The following ARSH variants were observed in gnomAD, a reference collection of about 807,000 sequenced individuals.
The protein encoded by ARSH is arylsulfatase family member H.
A neutral mutation model predicts 28.7 loss-of-function variants in ARSH; 32 were observed. That is an observed-to-expected ratio of 1.11 (90% CI 0.84 to 1.50). The LOEUF (loss-of-function observed/expected upper bound fraction) is 1.50, where lower values mean the gene tolerates loss of function less well. ARSH is among the 40% of genes most tolerant of loss of function. ARSH has a pLI of 0.00. For missense variants in ARSH, 440 were observed against 452.4 expected (o/e 0.97, Z 0.25); for synonymous variants, 176 against 177.3 (o/e 0.99, Z 0.06).
Position 3,006,683 on chromosome X carries a change from G to A in ARSH, c.71G>A (p.Cys24Tyr), listed in dbSNP as rs771656593. The A allele has an allele frequency of 4.1e-6, 5 of 1,209,717 alleles. No homozygotes were observed. The highest frequency in any genetic ancestry group is 4.4e-5 in the Admixed American group (2 of 45,927). Residue 24 changes from cysteine (C) to tyrosine (Y), a missense_variant, in exon 1 of 9, where the codon TGC (cysteine) becomes TAC (tyrosine). Transcript: ENST00000381130. ...ADDLGVGDLC[C>Y]YGNNSVSTPN... ...GACCTTGGAGTGGGGGATTTGTGCT[G>A]CTACGGTAATAACTCAGTGAGGTAA...
intron 8 of ARSH, among the ~76,000 whole-genome samples, 189 bp downstream of exon 8, chrX:3,029,557 G>A (rs778649996): frequency 9.0e-6 from 1 of 111,208 alleles, no homozygotes; most frequent in Non-Finnish European, 1.9e-5. Context: ...TTGAGATAGG[G>A]TCTCACTCTG....
intron 6 of ARSH, among the ~76,000 whole-genome samples, chrX:3,025,456 A>G (rs910687151): frequency 3.6e-4 from 38 of 106,220 alleles, no homozygotes; most frequent in Non-Finnish European, 1.9e-4. Context: ...TAGTATATAG[A>G]ATTCTATATA....
In ARSH at chrX:3,033,492, C is replaced by T. The variant is rs754761382; in HGVS notation, c.*107C>T. On this transcript the variant is annotated 3_prime_UTR_variant, in exon 9 of 9. Transcript: ENST00000381130. ...CCATTTGGGATAAAAACTGATGGCC[C>T]AACCCATTGTTTTATCCTCAGAAAT... is the stretch of plus-strand genomic sequence containing the variant. 4 of 868,085 alleles carry T rather than the reference C, an allele frequency of 4.6e-6. No individual in the cohort carries two copies. The highest frequency in any genetic ancestry group is 6.2e-6 in the Non-Finnish European group (4 of 643,854). The allele number at this position is 868,085 out of a possible 1,213,427, so 71.5% of individuals were successfully genotyped here.
intron 8 of ARSH, among the ~76,000 whole-genome samples, chrX:3,032,351 A>G (rs1032499089): frequency 9.2e-6 from 1 of 108,541 alleles, no homozygotes; most frequent in Non-Finnish European, 1.9e-5. Context: ...AGATTTGGTA[A>G]CCATTTCATA....
At chrX:3,014,586 C>T (rs1196919258) in intron 3 of ARSH, among the ~76,000 whole-genome samples, 1 of 111,259 alleles carries the variant, frequency 9.0e-6, no homozygotes, top group East Asian at 2.8e-4. Flanking sequence ...CACTGAAAGT[C>T]CTTGGTATTG....
intron 2 of ARSH, among the ~76,000 whole-genome samples, chrX:3,011,088 G>C (rs1366680138): frequency 9.1e-6 from 1 of 109,894 alleles, no homozygotes; most frequent in Non-Finnish European, 1.9e-5. Context: ...CATAATTCAA[G>C]GTTCTCCATT....
At chrX:3,008,704 C>A (rs2089837847) in intron 1 of ARSH, among the ~76,000 whole-genome samples, 1 of 105,137 alleles carries the variant, frequency 9.5e-6, no homozygotes, top group South Asian at 4.5e-4. Context: ...CATGAGCCCC[C>A]ACACCTGCCT....
chrX:3,018,157 A>G (rs749893155), intron 4 of ARSH, among the ~76,000 whole-genome samples: 2 of 111,470 alleles, frequency 1.8e-5, no homozygotes, highest in African/African-American at 6.5e-5. Flanking sequence ...GCCATTAAGC[A>G]CAGCTATATT....
At chrX:3,032,470 G>A (rs1194922713) in intron 8 of ARSH, among the ~76,000 whole-genome samples, 1 of 99,948 alleles carries the variant, frequency 1.0e-5, no homozygotes, top group African/African-American at 3.7e-5. Context: ...AAAGGAAGGA[G>A]GAAAGGAGGG....
chrX:3,026,774 C>T (rs375518723), intron 6 of ARSH, among the ~76,000 whole-genome samples: 15 of 112,202 alleles, frequency 1.3e-4, no homozygotes, highest in African/African-American at 4.9e-4. Context: ...TGGGAAATCA[C>T]GGGGTAAAGT....
intron 1 of ARSH, among the ~76,000 whole-genome samples, chrX:3,007,825 C>A (rs751906051): frequency 4.2e-4 from 47 of 110,908 alleles, no homozygotes; most frequent in East Asian, 1.7e-3. Context: ...CCTCCTGAGG[C>A]CTCTCTCCTG....
intron 2 of ARSH, among the ~76,000 whole-genome samples, chrX:3,011,236 C>A (rs752335085): frequency 1.2e-3 from 108 of 92,693 alleles, no homozygotes; most frequent in African/African-American, 3.9e-3. Flanking sequence ...AGGATTTTTT[C>A]TTTTTTTCTT....
In ARSH at chrX:3,006,657, T is replaced by C; in HGVS notation, c.45T>C (p.Asp15=). ...ARPNIVLLMA[D]DLGVGDLCCY... ...CCAACATTGTCCTGCTGATGGCAGA[T>C]GACCTTGGAGTGGGGGATTTGTGCT... The change falls in exon 1 of 9, where the codon GAT becomes GAC. Residue 15 remains aspartate, a synonymous_variant. Transcript: ENST00000381130. 8.3e-7 allele frequency: 1 copy of C among 1,211,521 alleles called. No individual in the cohort carries two copies. The highest frequency in any genetic ancestry group is 1.1e-6 in the Non-Finnish European group (1 of 895,408).
At position 3,034,039 on chromosome X, in the gene ARSH, A is replaced by G. The variant is rs1336898102; in HGVS notation, c.*654A>G. ...GTGTCTACTTCACAGAGTAGCTATGAGGATTACATGCATTAATTAATGTGA... is the reference window on the plus strand; with the variant it reads ...GTGTCTACTTCACAGAGTAGCTATGGGGATTACATGCATTAATTAATGTGA... On this transcript the variant is annotated 3_prime_UTR_variant, in exon 9 of 9. Transcript: ENST00000381130. 1.8e-5 allele frequency among the ~76,000 whole-genome samples: 2 copies of G among 111,978 alleles called. No homozygotes were observed. Among genetic ancestry groups the G allele is most frequent in the Non-Finnish European group, 3.8e-5 (2 of 53,324 alleles).
chrX:3,020,588 C>CAAAA (rs759581189), intron 5 of ARSH, among the ~76,000 whole-genome samples: 19 of 44,313 alleles, frequency 4.3e-4, no homozygotes, highest in East Asian at 1.5e-3. Context: ...GACTCAGTCT[C>CAAAA]AAAAAAAAAA....
At chrX:3,019,861 G>A (rs191802327) in intron 5 of ARSH, among the ~76,000 whole-genome samples, 3 of 111,051 alleles carry the variant, frequency 2.7e-5, no homozygotes, top group Non-Finnish European at 5.7e-5. Context: ...TAGTGGTGTC[G>A]GATAGGACAA....
At chrX:3,020,040 C>G (rs1482561047) in intron 5 of ARSH, among the ~76,000 whole-genome samples, 2 of 109,131 alleles carry the variant, frequency 1.8e-5, no homozygotes, top group African/African-American at 6.7e-5. Context: ...AGCCCCAGCA[C>G]TTTTGGAGGT....
chrX:3,014,946 G>T, intron 3 of ARSH, 24 bp from the exon 4 acceptor site: 2 of 1,194,066 alleles, frequency 1.7e-6, no homozygotes, highest in Non-Finnish European at 2.3e-6. Context: ...ATGCTGCCAT[G>T]GTACGATTTT....
rs773792128 is a variant in ARSH, at chrX:3,027,151, G to A, written c.1037-162G>A. On this transcript the variant is annotated intron_variant, in intron 6 of 8. Transcript: ENST00000381130. ...GGTTTTGTATTTTTAGCAGAGACGG[G>A]GTTTCACCATGTTGGCCAGGCTGGT... is the stretch of plus-strand genomic sequence containing the variant. Among the ~76,000 whole-genome samples, 41 of 111,839 alleles carry A rather than the reference G, an allele frequency of 3.7e-4. No individual in the cohort carries two copies. In the East Asian group the frequency reaches 4.2e-3, roughly 12 times the overall value.
Sources: gnomAD v4.1 joint callset for allele counts (sites outside exome capture counted in the v4.1 genomes callset) on GRCh38, gnomAD v4.1.1 for gene constraint, MANE v1.5 for transcripts, NCBI Gene and HGNC (gene_info 2026-07-23, HGNC 2026-07-21) for gene names.